Variants in SYN3 observed in about 807,000 individuals in gnomAD.
The protein encoded by SYN3 is synapsin-3.
In SYN3, 35 loss-of-function variants were observed where a neutral mutation model predicts 65.8. The observed-to-expected ratio is 0.53, with a 90% CI of 0.41 to 0.70. The LOEUF is 0.70. Among genes scored for constraint, SYN3 ranks in the 30% least tolerant of loss-of-function variants. The pLI is 0.00. For synonymous variants in SYN3, 270 were observed against 292.9 expected (o/e 0.92, Z 0.80); for missense variants, 680 against 749.0 (o/e 0.91, Z 1.08).
intron 6 of SYN3, among the ~76,000 whole-genome samples, chr22:32,756,917 T>C (rs2045306565): frequency 6.6e-6 from 1 of 152,224 alleles, no homozygotes; most frequent in Non-Finnish European, 1.5e-5. Flanking sequence ...AATGTTTCAT[T>C]AACAACTCAA....
At chr22:32,592,284 CAAAT>C (rs1027426937) in intron 7 of SYN3, among the ~76,000 whole-genome samples, 2 of 152,190 alleles carry the variant, frequency 1.3e-5, no homozygotes, top group African/African-American at 4.8e-5. Context: ...CAGGTTATAA[CAAAT>C]AAAATTGCCT....
At chr22:32,878,733 G>A (rs1045709920) in intron 4 of SYN3, among the ~76,000 whole-genome samples, 7 of 152,006 alleles carry the variant, frequency 4.6e-5, no homozygotes, top group African/African-American at 1.5e-4. Flanking sequence ...CTTTCATTTT[G>A]TCACTCAATA....
intron 7 of SYN3, among the ~76,000 whole-genome samples, chr22:32,564,703 C>A (rs570093922): frequency 6.6e-6 from 1 of 151,568 alleles, no homozygotes; most frequent in East Asian, 2.0e-4. Context: ...TCGGACTGCA[C>A]CCAAACAGTG....
At chr22:32,980,924 G>A (rs942672520) in intron 2 of SYN3, among the ~76,000 whole-genome samples, 4 of 151,398 alleles carry the variant, frequency 2.6e-5, no homozygotes, top group South Asian at 2.1e-4. Flanking sequence ...GCCTAGTCTC[G>A]GCTCACTACA....
Position 32,810,083 on chromosome 22 carries a change from G to C in SYN3, c.711+54832C>G, listed in dbSNP as rs536603251. On this transcript the variant is annotated intron_variant, in intron 6 of 13. Coordinates refer to ENST00000358763, the MANE Select transcript of SYN3 (RefSeq NM_003490.4). The stretch of plus-strand genomic sequence containing the variant: ...CTATGTTCATGTCTGGCATCCAGGG[G>C]TACACAAAGTATTGATTCTAGCTAA... 1.2e-4 allele frequency among the ~76,000 whole-genome samples: 18 copies of C among 152,308 alleles called. 1 individual carries two copies. In the South Asian group the frequency reaches 3.7e-3, roughly 32 times the overall value.
chr22:32,674,320 A>G (rs2060411652), intron 6 of SYN3, among the ~76,000 whole-genome samples: 1 of 152,204 alleles, frequency 6.6e-6, no homozygotes, highest in Non-Finnish European at 1.5e-5. Context: ...TGGGAAAGCG[A>G]TGTTCCAGTG....
At chr22:33,024,326 TG>T (rs2053605876) in intron 1 of SYN3, among the ~76,000 whole-genome samples, 1 of 152,232 alleles carries the variant, frequency 6.6e-6, no homozygotes, top group Admixed American at 6.5e-5. Flanking sequence ...CCATATCATC[TG>T]GGGAACTTTC....
intron 6 of SYN3, among the ~76,000 whole-genome samples, chr22:32,681,074 G>A (rs1410919983): frequency 6.6e-6 from 1 of 151,902 alleles, no homozygotes; most frequent in African/African-American, 2.4e-5. Flanking sequence ...TTGCCTGGCA[G>A]GCTCAAGGAA....
intron 6 of SYN3, among the ~76,000 whole-genome samples, chr22:32,800,868 T>C (rs1026170421): frequency 1.3e-5 from 2 of 152,176 alleles, no homozygotes; most frequent in Non-Finnish European, 2.9e-5. Flanking sequence ...TCAGCGAGGA[T>C]GGCACTTCAG....
chr22:32,962,727 G>A (rs1189806813), intron 3 of SYN3, among the ~76,000 whole-genome samples: 1 of 152,048 alleles, frequency 6.6e-6, no homozygotes, highest in African/African-American at 2.4e-5. Context: ...GTCTGTAATA[G>A]TAACAGGTAA....
At chr22:32,738,789 T>C (rs1311461707) in intron 6 of SYN3, among the ~76,000 whole-genome samples, 1 of 152,176 alleles carries the variant, frequency 6.6e-6, no homozygotes, top group Non-Finnish European at 1.5e-5. Flanking sequence ...AAAAGCTCAG[T>C]GTAGCTGAAA....
chr22:32,803,779 G>C (rs938365193), intron 6 of SYN3, among the ~76,000 whole-genome samples: 1 of 152,198 alleles, frequency 6.6e-6, no homozygotes, highest in African/African-American at 2.4e-5. Context: ...GTGGAATCAG[G>C]GTGTGCAGGG....
Position 32,598,791 on chromosome 22 carries a change from G to GT in SYN3, c.712-2056dup, listed in dbSNP as rs201173150. ...CCGGAAACCACTGCGCCCAGCCATA[G>GT]TTTTTTTTTTCCTTGATTTCAGGCT... On this transcript the variant is annotated intron_variant, in intron 6 of 13. Transcript: ENST00000358763. Among the ~76,000 whole-genome samples the GT allele has an allele frequency of 6.0e-5, 9 of 151,110 alleles. No homozygotes were observed. The South Asian group carries it at 6.3e-4, about 11-fold the overall frequency.
At chr22:32,758,705 T>TATATATATATATATATATATATATATATA (rs1277216646) in intron 6 of SYN3, among the ~76,000 whole-genome samples, 52 of 109,668 alleles carry the variant, frequency 4.7e-4, no homozygotes, top group Admixed American at 8.5e-4. Flanking sequence ...TATATATGTC[T>TATATATATATATATATATATATATATATA]TATTAGTTCT....
chr22:32,519,124 A>C (rs1454091440), intron 12 of SYN3, among the ~76,000 whole-genome samples: 1 of 152,162 alleles, frequency 6.6e-6, no homozygotes, highest in African/African-American at 2.4e-5. Flanking sequence ...AACTGTGAAA[A>C]AAACATCTGT....
At chr22:32,843,423 T>C (rs2047970589) in intron 6 of SYN3, among the ~76,000 whole-genome samples, 1 of 152,046 alleles carries the variant, frequency 6.6e-6, no homozygotes, top group South Asian at 2.1e-4. Flanking sequence ...CATTGTAGAG[T>C]GTCCAAGGTG....
intron 7 of SYN3, among the ~76,000 whole-genome samples, chr22:32,574,695 C>G (rs2051364638): frequency 6.6e-6 from 1 of 152,206 alleles, no homozygotes; most frequent in Admixed American, 6.5e-5. Flanking sequence ...TTGGTACTCC[C>G]TCTGCCTGCA....
chr22:32,776,075 T>A (rs1007923915), intron 6 of SYN3, among the ~76,000 whole-genome samples: 1 of 151,908 alleles, frequency 6.6e-6, no homozygotes, highest in Non-Finnish European at 1.5e-5. Flanking sequence ...GAGAGAGAGA[T>A]CTGGTGCCCT....
chr22:32,873,985 T>A (rs1484306394), intron 4 of SYN3, among the ~76,000 whole-genome samples: 1 of 150,802 alleles, frequency 6.6e-6, no homozygotes, highest in African/African-American at 2.5e-5. Flanking sequence ...AAAAAAAAAA[T>A]TAGCTGGGCA....
Sources: allele counts gnomAD v4.1 joint callset (sites outside exome capture counted in the v4.1 genomes callset), GRCh38; gene constraint gnomAD v4.1.1; transcripts MANE v1.5; gene names NCBI Gene and HGNC (gene_info 2026-07-23, HGNC 2026-07-21).